IL23R: variants seen among roughly 807,000 people sequenced by gnomAD.
The protein encoded by IL23R is interleukin 23 receptor, also known as interleukin-23 receptor.
IL23R carries 34 observed loss-of-function variants against 56.9 expected under a neutral mutation model. The observed-to-expected ratio is 0.60, with a 90% confidence interval of 0.45 to 0.80. The LOEUF is 0.80. Ranked by LOEUF, IL23R falls within the 30% of genes least tolerant of loss-of-function variation. The probability of loss-of-function intolerance (pLI) is 0.00; values close to 1 mark genes in which losing one functional copy is unlikely to be tolerated. For missense variants in IL23R, 635 were observed against 730.0 expected, an observed-to-expected ratio of 0.87 and a Z score of 1.50; for synonymous variants, 230 against 249.2, an observed-to-expected ratio of 0.92 and a Z score of 0.73.
intron 1 of IL23R, among the ~76,000 whole-genome samples, chr1:67,153,296 C>T (rs1019642250): frequency 3.3e-5 from 5 of 151,958 alleles, no homozygotes; most frequent in African/African-American, 1.2e-4. Flanking sequence ...TGGTGATATC[C>T]CCTTTATCAT....
At chr1:67,162,651 T>A (rs1460725123), upstream of IL23R, among the ~76,000 whole-genome samples, 4 of 152,210 alleles carry the variant, frequency 2.6e-5, no homozygotes, top group Non-Finnish European at 5.9e-5. Context: ...TATATCTATA[T>A]GACAGGAAAA....
rs1336433455 is a variant in IL23R at position 67,174,369 on chromosome 1, A to G, written c.367+4731A>G. ...TTGATAGGCTTGAATGACATCTAGT[A>G]TTGCCTTGATTTGCAGTGAGAATAA... is the stretch of plus-strand genomic sequence containing the variant. On this transcript the variant is annotated intron_variant, in intron 3 of 10. Transcript: ENST00000347310. Among the ~76,000 whole-genome samples the G allele has an allele frequency of 2.6e-5, 4 of 151,126 alleles. No individual in the cohort carries two copies. The Admixed American group carries it at 2.7e-4, about 10-fold the overall frequency.
chr1:67,205,681 G>A (rs1648952508), intron 5 of IL23R, among the ~76,000 whole-genome samples: 5 of 152,170 alleles, frequency 3.3e-5, no homozygotes, highest in Admixed American at 2.6e-4. Flanking sequence ...TATTATTATA[G>A]AACATGCCAA....
At chr1:67,150,847 T>C (rs1290903238) in intron 1 of IL23R, among the ~76,000 whole-genome samples, 1 of 152,140 alleles carries the variant, frequency 6.6e-6, no homozygotes, top group African/African-American at 2.4e-5. Flanking sequence ...CTTTATCCAG[T>C]CTATCATTGA....
At chr1:67,195,002 T>G (rs1360102741) in intron 4 of IL23R, among the ~76,000 whole-genome samples, 1 of 152,270 alleles carries the variant, frequency 6.6e-6, no homozygotes, top group Non-Finnish European at 1.5e-5. Flanking sequence ...TCATTTGTAT[T>G]CTTTAGAATG....
intron 6 of IL23R, among the ~76,000 whole-genome samples, chr1:67,218,409 C>A (rs1274846059): frequency 6.8e-6 from 1 of 148,050 alleles, no homozygotes; most frequent in Non-Finnish European, 1.5e-5. Flanking sequence ...TCTGCAATAA[C>A]CTGCAATGAG....
At chr1:67,158,215 C>CAAA (rs200105938) in intron 1 of IL23R, among the ~76,000 whole-genome samples, 4 of 129,988 alleles carry the variant, frequency 3.1e-5, no homozygotes, top group African/African-American at 1.1e-4. Flanking sequence ...GACTCCATGT[C>CAAA]AAAAAAAAAA....
intron 2 of IL23R, 141 bp from the exon 3 acceptor site, chr1:67,169,201 G>GATACAT: frequency 2.0e-6 from 1 of 505,762 alleles, no homozygotes; most frequent in Non-Finnish European, 3.4e-6. Context: ...TTTATGAAAA[G>GATACAT]ATACATCTAG....
chr1:67,248,084 TTG>T (rs1167309194), intron 9 of IL23R, among the ~76,000 whole-genome samples: 1 of 152,054 alleles, frequency 6.6e-6, no homozygotes, highest in Non-Finnish European at 1.5e-5. Context: ...ATCTGATGAG[TTG>T]TGTCTTAGGG....
intron 6 of IL23R, among the ~76,000 whole-genome samples, chr1:67,209,601 T>C (rs538578753): frequency 6.6e-6 from 1 of 152,302 alleles, no homozygotes; most frequent in South Asian, 2.1e-4. Flanking sequence ...TTCTGAGGCC[T>C]CTCCAGCCAT....
intron 2 of IL23R, among the ~76,000 whole-genome samples, chr1:67,169,045 G>A (rs1299827289): frequency 6.6e-6 from 1 of 150,866 alleles, no homozygotes; most frequent in Non-Finnish European, 1.5e-5. Context: ...GGAGGCTAAG[G>A]CAGGAGAATC....
chr1:67,146,210 G>C (rs1374161504), intron 1 of IL23R, among the ~76,000 whole-genome samples: 1 of 152,206 alleles, frequency 6.6e-6, no homozygotes, highest in Non-Finnish European at 1.5e-5. Context: ...CTCTCCTACT[G>C]TGGGTTCATG....
intron 3 of IL23R, among the ~76,000 whole-genome samples, chr1:67,180,055 G>A (rs879025463): frequency 6.6e-6 from 1 of 152,128 alleles, no homozygotes; most frequent in African/African-American, 2.4e-5. Context: ...GGTCAATTTG[G>A]AAGAGGTGTG....
At chr1:67,204,023 G>A (rs938317519) in intron 5 of IL23R, among the ~76,000 whole-genome samples, 10 of 152,184 alleles carry the variant, frequency 6.6e-5, no homozygotes, top group Non-Finnish European at 8.8e-5. Flanking sequence ...ATTTCAATAC[G>A]AGTAGAATTT....
rs59358818 is a variant in IL23R, at chr1:67,149,517, C to T, written c.-634+10356C>T. ...ATCTTTCTGAAGAACAGGACAGGGT[C>T]TCATTCACGTTTGTATTTCCCGAAG... On this transcript the variant is annotated intron_variant, in intron 1 of 10. Transcript: ENST00000637002. Among the ~76,000 whole-genome samples the T allele has an allele frequency of 2.8e-3, 432 of 152,154 alleles. 2 individuals are homozygous for T. The highest frequency in any genetic ancestry group is 0.01 in the African/African-American group (416 of 41,500).
intron 1 of IL23R, among the ~76,000 whole-genome samples, chr1:67,141,083 A>C (rs1222014966): frequency 6.6e-6 from 1 of 152,210 alleles, no homozygotes; most frequent in East Asian, 1.9e-4. Flanking sequence ...ATACGTAATA[A>C]CATAGGAAAA....
chr1:67,141,473 A>G (rs1305779392), intron 1 of IL23R, among the ~76,000 whole-genome samples: 1 of 152,142 alleles, frequency 6.6e-6, no homozygotes, highest in Non-Finnish European at 1.5e-5. Flanking sequence ...AAAAGTTTTT[A>G]CAAGTCCGGT....
intron 1 of IL23R, among the ~76,000 whole-genome samples, chr1:67,142,635 G>C (rs1482772153): frequency 7.9e-5 from 12 of 152,016 alleles, no homozygotes; most frequent in Non-Finnish European, 1.5e-5. Context: ...GTATGATCTC[G>C]GCTCACTGCA....
chr1:67,242,674 G>A (rs12743974), intron 9 of IL23R, among the ~76,000 whole-genome samples: 55,996 of 151,972 alleles, frequency 0.37, 11,550 homozygotes, highest in East Asian at 0.72. Flanking sequence ...GGATGGCAAG[G>A]ACAGTCTTTC....
Sources: allele counts gnomAD v4.1 joint callset (sites outside exome capture counted in the v4.1 genomes callset), GRCh38; gene constraint gnomAD v4.1.1; transcripts MANE v1.5; gene names NCBI Gene and HGNC (gene_info 2026-07-23, HGNC 2026-07-21).